Variants in FZD6 observed in about 807,000 individuals in gnomAD.
The protein encoded by FZD6 is frizzled class receptor 6, also known as frizzled-6.
In FZD6, 49 loss-of-function variants were observed where a neutral mutation model predicts 61.4. That is an observed-to-expected ratio of 0.80 (90% CI 0.63 to 1.01). The LOEUF (loss-of-function observed/expected upper bound fraction) is 1.01, where lower values mean the gene tolerates loss of function less well. FZD6 is among the 50% of genes least tolerant of loss of function. The pLI is 0.00. For missense variants in FZD6, 724 were observed against 848.2 expected, an observed-to-expected ratio of 0.85 and a Z score of 1.82; for synonymous variants, 265 against 292.2, an observed-to-expected ratio of 0.91 and a Z score of 0.95.
chr8:103,300,817 A>G (rs912363269), intron 2 of FZD6, among the ~76,000 whole-genome samples: 2 of 152,180 alleles, frequency 1.3e-5, no homozygotes, highest in African/African-American at 2.4e-5. Flanking sequence ...CATAGCACTT[A>G]TATGTTCTTT....
intron 6 of FZD6, 56 bp from the exon 7 acceptor site, chr8:103,331,285 G>T (rs1439941632): frequency 3.4e-6 from 4 of 1,183,172 alleles, no homozygotes; most frequent in Non-Finnish European, 3.8e-6. Context: ...CATGAAAAAT[G>T]GCATCATATT....
chr8:103,325,924 C>T (rs574653916), intron 4 of FZD6, among the ~76,000 whole-genome samples: 3 of 152,080 alleles, frequency 2.0e-5, no homozygotes, highest in Admixed American at 6.5e-5. Flanking sequence ...ATAGTATATA[C>T]TTACAAAAAC....
At chr8:103,299,929 T>C (rs1814103688) in intron 1 of FZD6, 27 bp from the exon 2 acceptor site, 1 of 579,714 alleles carries the variant, frequency 1.7e-6, no homozygotes, top group Non-Finnish European at 3.1e-6. Context: ...CAAATGTTGC[T>C]GATACACCCT....
At chr8:103,325,556 T>G (rs1171667545) in intron 4 of FZD6, 58 bp downstream of exon 4, 5 of 1,333,562 alleles carry the variant, frequency 3.7e-6, no homozygotes, top group Non-Finnish European at 5.4e-6. Context: ...AAATGTTTCA[T>G]GGAAATATAC....
chr8:103,304,942 C>A (rs1409183021), intron 2 of FZD6, among the ~76,000 whole-genome samples: 3 of 152,160 alleles, frequency 2.0e-5, no homozygotes, highest in Non-Finnish European at 4.4e-5. Flanking sequence ...TGAGGGACTT[C>A]AGTTTTTTCC....
chr8:103,318,535 T>C, intron 2 of FZD6, 55 bp from the exon 3 acceptor site: 1 of 982,624 alleles, frequency 1.0e-6, no homozygotes, highest in Non-Finnish European at 1.6e-6. Flanking sequence ...AATATATTAA[T>C]TTTATTCATT....
At chr8:103,319,698 C>T (rs1814727670) in intron 3 of FZD6, among the ~76,000 whole-genome samples, 1 of 152,088 alleles carries the variant, frequency 6.6e-6, no homozygotes, top group South Asian at 2.1e-4. Context: ...ATAACTGAAA[C>T]AAATAGGGAA....
In FZD6 at chr8:103,325,219, A is replaced by G; in HGVS notation, c.1113A>G (p.Val371=). Residue 371 remains valine, a synonymous_variant, in exon 4 of 7, where the codon GTA becomes GTG. Transcript: ENST00000358755. ...LYDLDASRYF[V]LLPLCLCVFV... ...ACCTGGATGCTTCTCGCTACTTTGT[A>G]CTCTTGCCACTGTGCCTTTGTGTGT... 6.2e-7 allele frequency: 1 copy of G among 1,613,956 alleles called. No individual in the cohort carries two copies. Among genetic ancestry groups the G allele is most frequent in the Non-Finnish European group, 8.5e-7 (1 of 1,179,980 alleles).
chr8:103,305,060 C>G (rs1441443120), intron 2 of FZD6, among the ~76,000 whole-genome samples: 1 of 152,182 alleles, frequency 6.6e-6, no homozygotes, highest in Non-Finnish European at 1.5e-5. Flanking sequence ...CTAACTCTCC[C>G]AAGTGGAAAA....
intron 2 of FZD6, among the ~76,000 whole-genome samples, chr8:103,304,368 C>T (rs1254067549): frequency 1.3e-5 from 2 of 152,212 alleles, no homozygotes; most frequent in Admixed American, 6.5e-5. Flanking sequence ...AGACCAGCAG[C>T]TTGTGAGCTT....
chr8:103,311,920 T>C (rs1300069022), intron 2 of FZD6, among the ~76,000 whole-genome samples: 1 of 152,156 alleles, frequency 6.6e-6, no homozygotes, highest in African/African-American at 2.4e-5. Flanking sequence ...CTGCCAAAGG[T>C]AGCACAGGTA....
chr8:103,319,673 G>A (rs1169278762), intron 3 of FZD6, among the ~76,000 whole-genome samples: 1 of 152,228 alleles, frequency 6.6e-6, no homozygotes, highest in African/African-American at 2.4e-5. Flanking sequence ...TTGGCAAGAT[G>A]TCAGTCATGT....
chr8:103,330,931 A>T (rs1247732911), intron 6 of FZD6, among the ~76,000 whole-genome samples: 2 of 152,198 alleles, frequency 1.3e-5, no homozygotes, highest in East Asian at 3.8e-4. Flanking sequence ...TAATCCCAGC[A>T]CTTTGGGAGG....
intron 3 of FZD6, among the ~76,000 whole-genome samples, chr8:103,320,316 A>G (rs973141294): frequency 6.6e-6 from 1 of 152,110 alleles, no homozygotes; most frequent in African/African-American, 2.4e-5. Flanking sequence ...GCGATCCTGA[A>G]TGTGTGGATC....
At chr8:103,320,308 G>A (rs941488186) in intron 3 of FZD6, among the ~76,000 whole-genome samples, 1 of 152,102 alleles carries the variant, frequency 6.6e-6, no homozygotes, top group South Asian at 2.1e-4. Flanking sequence ...TAAATCAGGC[G>A]ATCCTGAATG....
chr8:103,325,342 A>G lies in FZD6; in HGVS notation c.1236A>G (p.Lys412=), dbSNP rs1371900739. 2.5e-6 allele frequency: 4 copies of G among 1,614,156 alleles called. No homozygotes were observed. The Admixed American group carries it at 5.0e-5, about 20-fold the overall frequency. The change falls in exon 4 of 7, where the codon AAA becomes AAG. Residue 412 remains lysine (K), a synonymous_variant. Coordinates refer to ENST00000358755, the MANE Select transcript of FZD6 (RefSeq NM_003506.4). The part of the protein sequence containing the change: ...HDGRNQEKLK[K]FMIRIGVFSG... ...GCCGGAACCAAGAAAAACTAAAGAAATTTATGATTCGAATTGGAGTCTTCA... is the reference window on the plus strand; with the variant it reads ...GCCGGAACCAAGAAAAACTAAAGAAGTTTATGATTCGAATTGGAGTCTTCA...
At chr8:103,326,196 C>T (rs1814947686) in intron 4 of FZD6, among the ~76,000 whole-genome samples, 1 of 152,168 alleles carries the variant, frequency 6.6e-6, no homozygotes, top group African/African-American at 2.4e-5. Flanking sequence ...TGAACATGAG[C>T]ACTGCCATCA....
At chr8:103,307,720 T>TG (rs566440839) in intron 2 of FZD6, 1 of 93,556 alleles carries the variant, frequency 1.1e-5, no homozygotes, top group Non-Finnish European at 2.3e-5. Context: ...CTAAGGTGTG[T>TG]TTTTTTTTTT....
chr8:103,317,683 G>C (rs552126095), intron 2 of FZD6, among the ~76,000 whole-genome samples: 3 of 151,962 alleles, frequency 2.0e-5, no homozygotes, highest in Admixed American at 6.6e-5. Flanking sequence ...AAAATTAGCC[G>C]GGCGTAGTGG....
Sources: gnomAD v4.1 joint callset for allele counts (sites outside exome capture counted in the v4.1 genomes callset) on GRCh38, gnomAD v4.1.1 for gene constraint, MANE v1.5 for transcripts, NCBI Gene and HGNC (gene_info 2026-07-23, HGNC 2026-07-21) for gene names.